The following PNO1 variants were observed in gnomAD, a reference collection of about 807,000 sequenced individuals.
PNO1 encodes partner of NOB1 homolog.
Under a neutral mutation model 28.4 loss-of-function variants are expected in PNO1, and 16 were observed. The observed-to-expected ratio is 0.56, with a 90% CI of 0.38 to 0.85. The LOEUF is 0.85. Ranked by LOEUF, PNO1 falls within the 40% of genes least tolerant of loss-of-function variation. PNO1 has a pLI of 0.00. For synonymous variants in PNO1, 115 were observed against 110.8 expected (o/e 1.04, Z -0.24); for missense variants, 304 against 312.2 (o/e 0.97, Z 0.20).
chr2:68,161,998 G>T (rs1673843537), intron 3 of PNO1, among the ~76,000 whole-genome samples: 1 of 152,102 alleles, frequency 6.6e-6, no homozygotes, highest in Non-Finnish European at 1.5e-5. Flanking sequence ...AATTAGCTGG[G>T]TGTGGTAGTG....
chr2:68,158,250 C>G (rs768219199), intron 1 of PNO1, 109 bp downstream of exon 1: 5 of 1,372,768 alleles, frequency 3.6e-6, no homozygotes, highest in Non-Finnish European at 5.0e-6. Flanking sequence ...TGCCGTGATG[C>G]TCAGAGAGAA....
At position 68,160,216 on chromosome 2, in the gene PNO1, G is replaced by A. The variant is rs9636395; in HGVS notation, c.358-1467G>A. Among the ~76,000 whole-genome samples, 47 of 151,940 alleles carry A rather than the reference G, an allele frequency of 3.1e-4. No homozygotes were observed. In the East Asian group the frequency reaches 7.5e-3, roughly 24 times the overall value. On this transcript the variant is annotated intron_variant, in intron 2 of 6. Transcript: ENST00000263657. ...GATCTCCTGACCTCATGATCTACCCGCCTCTGCCTCCCAAAGTGCTGGGAT... is the reference window on the plus strand; with the variant it reads ...GATCTCCTGACCTCATGATCTACCCACCTCTGCCTCCCAAAGTGCTGGGAT...
chr2:68,165,130 C>T (rs1469361619), intron 5 of PNO1, among the ~76,000 whole-genome samples: 1 of 150,956 alleles, frequency 6.6e-6, no homozygotes. Context: ...TTTGGGAGGC[C>T]GAGGCGGGCG....
intron 5 of PNO1, among the ~76,000 whole-genome samples, chr2:68,169,548 G>A (rs373998451): frequency 2.6e-5 from 4 of 152,104 alleles, no homozygotes; most frequent in South Asian, 2.1e-4. Context: ...TGAAGTTGTC[G>A]TACAGTATGC....
intron 2 of PNO1, chr2:68,161,355 G>A (rs891900189): frequency 1.3e-5 from 6 of 475,034 alleles, no homozygotes; most frequent in Non-Finnish European, 2.6e-5. Flanking sequence ...TGAAGGGATG[G>A]ACAGAAGGTA....
intron 6 of PNO1, 147 bp from the exon 7 acceptor site, chr2:68,174,588 A>G (rs1055324192): frequency 4.0e-5 from 22 of 548,628 alleles, no homozygotes; most frequent in East Asian, 8.5e-5. Flanking sequence ...GTTAATGTGC[A>G]TATTTTTTAT....
intron 4 of PNO1, 103 bp downstream of exon 4, chr2:68,162,428 T>C (rs927348226): frequency 1.4e-5 from 14 of 977,972 alleles, no homozygotes; most frequent in Non-Finnish European, 2.1e-5. Flanking sequence ...TAGCAACTTA[T>C]ATATATATAT....
intron 5 of PNO1, among the ~76,000 whole-genome samples, chr2:68,163,684 T>C (rs1163657935): frequency 3.3e-5 from 5 of 152,198 alleles, no homozygotes; most frequent in Non-Finnish European, 5.9e-5. Flanking sequence ...TTTATGTATA[T>C]ACATATATAT....
chr2:68,162,488 T>A, intron 4 of PNO1, 58 bp from the exon 5 acceptor site: 1 of 1,207,650 alleles, frequency 8.3e-7, no homozygotes. Context: ...AAACTTTATG[T>A]GGAATGGGTG....
chr2:68,161,401 A>T (rs758064137), intron 2 of PNO1: 5 of 456,898 alleles, frequency 1.1e-5, no homozygotes, highest in Non-Finnish European at 2.1e-5. Flanking sequence ...GGGTTGTGCC[A>T]GAGGAGTCTT....
chr2:68,167,278 G>A (rs543703300), intron 5 of PNO1, among the ~76,000 whole-genome samples: 1 of 152,236 alleles, frequency 6.6e-6, no homozygotes, highest in South Asian at 2.1e-4. Flanking sequence ...GTTGCCTTTC[G>A]GTATTGAACT....
Position 68,176,167 on chromosome 2 carries a change from G to A in PNO1, c.*1365G>A, listed in dbSNP as rs1292773486. 6.6e-6 allele frequency: 1 copy of A among 152,112 alleles called. No individual in the cohort carries two copies. Among genetic ancestry groups the A allele is most frequent in the African/African-American group, 2.4e-5 (1 of 41,402 alleles). The allele number at this position is 152,112 out of a possible 1,614,324, so 9.4% of individuals were successfully genotyped here. Reference sequence around the variant, plus strand: ...AATGCAGATTAGCTAGTTTCTGCCTGTTTAAATGGTATTATTTTATACATT... The same window carrying A: ...AATGCAGATTAGCTAGTTTCTGCCTATTTAAATGGTATTATTTTATACATT... On this transcript the variant is annotated 3_prime_UTR_variant, in exon 7 of 7. Transcript: ENST00000263657.
rs187665459 is a variant in PNO1 at position 68,166,309 on chromosome 2, A to G, written c.620+3646A>G. Among the ~76,000 whole-genome samples, 62 of 152,354 alleles carry G rather than the reference A, an allele frequency of 4.1e-4. 1 individual carries two copies. The East Asian group carries it at 0.011, about 27-fold the overall frequency. On this transcript the variant is annotated intron_variant, in intron 5 of 6. Coordinates refer to ENST00000263657, the MANE Select transcript of PNO1 (RefSeq NM_020143.4). ...CTACTCCTGCTTTTGGCTGGAAGCT[A>G]TACCAATAACAAACAGTTGATAAAC...
intron 2 of PNO1, among the ~76,000 whole-genome samples, chr2:68,159,742 A>G (rs1024455116): frequency 3.3e-5 from 5 of 152,114 alleles, no homozygotes; most frequent in Admixed American, 3.3e-4. Flanking sequence ...AAAGTGTAAA[A>G]TATCATAGAA....
At chr2:68,167,642 C>G (rs959208716) in intron 5 of PNO1, among the ~76,000 whole-genome samples, 1 of 152,110 alleles carries the variant, frequency 6.6e-6, no homozygotes, top group African/African-American at 2.4e-5. Context: ...TTTTCCAGAA[C>G]AGGACGTTTT....
chr2:68,171,059 G>T (rs1322142685), intron 5 of PNO1, among the ~76,000 whole-genome samples: 1 of 152,114 alleles, frequency 6.6e-6, no homozygotes, highest in Non-Finnish European at 1.5e-5. Flanking sequence ...TTCGTGTTCA[G>T]TATTACCTGA....
At chr2:68,167,880 A>G (rs2103683897) in intron 5 of PNO1, among the ~76,000 whole-genome samples, 1 of 152,302 alleles carries the variant, frequency 6.6e-6, no homozygotes, top group African/African-American at 2.4e-5. Flanking sequence ...TTGTCATATA[A>G]TGACTTAATT....
intron 2 of PNO1, among the ~76,000 whole-genome samples, chr2:68,160,724 A>G (rs948864793): frequency 2.6e-5 from 4 of 152,228 alleles, no homozygotes; most frequent in Non-Finnish European, 5.9e-5. Flanking sequence ...CTAGTAGGGA[A>G]CACTCAGGAT....
At chr2:68,167,227 C>T (rs1674018307) in intron 5 of PNO1, among the ~76,000 whole-genome samples, 1 of 152,150 alleles carries the variant, frequency 6.6e-6, no homozygotes, top group Non-Finnish European at 1.5e-5. Context: ...ACTACCTGTT[C>T]TGGAGGCTGA....
Sources: gnomAD v4.1 joint callset for allele counts (sites outside exome capture counted in the v4.1 genomes callset) on GRCh38, gnomAD v4.1.1 for gene constraint, MANE v1.5 for transcripts, NCBI Gene and HGNC (gene_info 2026-07-23, HGNC 2026-07-21) for gene names.